The following CACNA1C variants were observed in gnomAD, a reference collection of about 807,000 sequenced individuals.
The protein encoded by CACNA1C is calcium voltage-gated channel subunit alpha1 C.
CACNA1C carries 30 observed loss-of-function variants against 229.0 expected under a neutral mutation model. The observed-to-expected ratio is 0.13, with a 90% CI of 0.10 to 0.18. The LOEUF (loss-of-function observed/expected upper bound fraction) is 0.18, where lower values mean the gene tolerates loss of function less well. CACNA1C is among the 10% of genes least tolerant of loss of function. The pLI is 1.00. For synonymous variants in CACNA1C, 1,114 were observed against 1,132.5 expected (o/e 0.98, Z 0.33); for missense variants, 1,658 against 2,845.0 (o/e 0.58, Z 9.49).
At chr12:2,372,810 C>T (rs1039962423) in intron 3 of CACNA1C, among the ~76,000 whole-genome samples, 1 of 152,254 alleles carries the variant, frequency 6.6e-6, no homozygotes, top group Admixed American at 6.5e-5. Flanking sequence ...GTGAGAAGTC[C>T]TGTCAGCCTC....
At chr12:2,310,342 T>TAAAAA (rs1262171750) in intron 3 of CACNA1C, among the ~76,000 whole-genome samples, 56 of 144,252 alleles carry the variant, frequency 3.9e-4, no homozygotes, top group African/African-American at 1.4e-3. Flanking sequence ...GCCTCCCAGT[T>TAAAAA]AAAAAAAAAA....
At chr12:2,378,437 C>A (rs546016871) in intron 3 of CACNA1C, among the ~76,000 whole-genome samples, 1 of 152,148 alleles carries the variant, frequency 6.6e-6, no homozygotes, top group Non-Finnish European at 1.5e-5. Context: ...GCCACAAAAG[C>A]GCCTGTCTTC....
chr12:2,370,060 G>A (rs1012618207), intron 3 of CACNA1C, among the ~76,000 whole-genome samples: 6 of 152,134 alleles, frequency 3.9e-5, no homozygotes, highest in Non-Finnish European at 8.8e-5. Context: ...TTTGGCAAAG[G>A]ACGTGAACAG....
intron 3 of CACNA1C, among the ~76,000 whole-genome samples, chr12:2,230,808 G>T (rs1299287234): frequency 6.6e-6 from 1 of 152,200 alleles, no homozygotes; most frequent in African/African-American, 2.4e-5. Flanking sequence ...CCTGTTCTGA[G>T]TGCTTGGTTT....
At chr12:2,182,856 G>T (rs547483651) in intron 3 of CACNA1C, among the ~76,000 whole-genome samples, 2 of 152,110 alleles carry the variant, frequency 1.3e-5, no homozygotes, top group African/African-American at 4.8e-5. Context: ...CATCTTGCAG[G>T]CAGGGTTTAG....
intron 3 of CACNA1C, among the ~76,000 whole-genome samples, chr12:2,158,589 T>A (rs924938668): frequency 6.6e-6 from 1 of 152,152 alleles, no homozygotes; most frequent in African/African-American, 2.4e-5. Context: ...TCAGCCTGAT[T>A]TACCCGCAGC....
chr12:2,290,491 G>GA (rs758850229), intron 3 of CACNA1C, among the ~76,000 whole-genome samples: 4 of 152,132 alleles, frequency 2.6e-5, no homozygotes, highest in Non-Finnish European at 5.9e-5. Flanking sequence ...GTTGGGGGCA[G>GA]AAAAAATGCC....
intron 9 of CACNA1C, among the ~76,000 whole-genome samples, chr12:2,531,773 C>G (rs933270327): frequency 6.6e-6 from 1 of 152,152 alleles, no homozygotes; most frequent in African/African-American, 2.4e-5. Flanking sequence ...TGTCTGTCTA[C>G]CTTGAGAGCA....
At chr12:2,186,044 C>A (rs955605270) in intron 3 of CACNA1C, among the ~76,000 whole-genome samples, 4 of 152,178 alleles carry the variant, frequency 2.6e-5, no homozygotes, top group African/African-American at 4.8e-5. Flanking sequence ...CACTCGGTTC[C>A]CTACTCTGAG....
Position 2,285,263 on chromosome 12 carries a change from C to G in CACNA1C, c.478-163713C>G, listed in dbSNP as rs188697208. On this transcript the variant is annotated intron_variant, in intron 3 of 46. Coordinates refer to ENST00000399655, the MANE Select transcript of CACNA1C (RefSeq NM_000719.7). The surrounding 1 kb of genome is among the most constrained non-coding windows in gnomAD (Gnocchi z 4.2). ...AACTCAACCCTTTACACTGGGCATT[C>G]AATGTCATCACATTGATAACTTGAA... 6.6e-6 allele frequency among the ~76,000 whole-genome samples: 1 copy of G among 152,316 alleles called. No individual in the cohort carries two copies. Among genetic ancestry groups the G allele is most frequent in the East Asian group, 1.9e-4 (1 of 5,188 alleles).
At chr12:2,260,441 G>A (rs2079631029) in intron 3 of CACNA1C, among the ~76,000 whole-genome samples, 1 of 147,096 alleles carries the variant, frequency 6.8e-6, no homozygotes, top group Admixed American at 6.8e-5. Flanking sequence ...ATATCACTGT[G>A]CTACAGCCTT....
chr12:1,977,123 G>A (rs2034631948), intron 1 of CACNA1C, among the ~76,000 whole-genome samples: 1 of 152,132 alleles, frequency 6.6e-6, no homozygotes. Flanking sequence ...TGTAATCACT[G>A]CCTAAACTGA....
At chr12:2,199,642 A>T (rs1188936706) in intron 3 of CACNA1C, among the ~76,000 whole-genome samples, 1 of 152,110 alleles carries the variant, frequency 6.6e-6, no homozygotes, top group East Asian at 1.9e-4. Flanking sequence ...CAGCGCCCCC[A>T]GTCCCCACAT....
chr12:2,541,027 G>A (rs980887516), intron 9 of CACNA1C, among the ~76,000 whole-genome samples: 1 of 152,152 alleles, frequency 6.6e-6, no homozygotes, highest in Admixed American at 6.5e-5. Context: ...TGGCTGTCTT[G>A]TCTCTGAGTC....
intron 3 of CACNA1C, among the ~76,000 whole-genome samples, chr12:2,184,930 A>G (rs2096951202): frequency 6.6e-6 from 1 of 152,224 alleles, no homozygotes; most frequent in African/African-American, 2.4e-5. Context: ...TTAGTCATTT[A>G]GTATTGAACT....
At chr12:2,468,833 C>A (rs2099574552) in intron 5 of CACNA1C, among the ~76,000 whole-genome samples, 1 of 152,200 alleles carries the variant, frequency 6.6e-6, no homozygotes, top group African/African-American at 2.4e-5. Flanking sequence ...TAACCTCTGA[C>A]CCTCAGCCTC....
chr12:2,235,802 G>T (rs1251598019), intron 3 of CACNA1C, among the ~76,000 whole-genome samples: 3 of 152,114 alleles, frequency 2.0e-5, no homozygotes, highest in Non-Finnish European at 4.4e-5. Flanking sequence ...CCAGAGCTGT[G>T]GAATGACTCC....
At chr12:2,280,750 C>T (rs938516885) in intron 3 of CACNA1C, among the ~76,000 whole-genome samples, 3 of 150,466 alleles carry the variant, frequency 2.0e-5, no homozygotes, top group East Asian at 2.0e-4. Context: ...TGCTGTGCTT[C>T]GGTTTAACCT....
intron 3 of CACNA1C, among the ~76,000 whole-genome samples, chr12:2,398,670 G>T (rs2098631153): frequency 6.6e-6 from 1 of 152,176 alleles, no homozygotes; most frequent in Non-Finnish European, 1.5e-5. Context: ...GAACAGGGTG[G>T]CCTACCCCAC....
Sources: gnomAD v4.1 joint callset for allele counts (sites outside exome capture counted in the v4.1 genomes callset) on GRCh38, gnomAD v4.1.1 for gene constraint, Gnocchi (gnomAD v3.1) non-coding constraint, MANE v1.5 for transcripts, NCBI Gene and HGNC (gene_info 2026-07-23, HGNC 2026-07-21) for gene names.